LSAMP: variants seen among roughly 807,000 people sequenced by gnomAD.
LSAMP encodes the protein limbic system-associated membrane protein.
A neutral mutation model predicts 38.6 loss-of-function variants in LSAMP; 7 were observed. The ratio of observed to expected loss-of-function variants is 0.18; its 90% CI spans 0.10 to 0.34. The LOEUF (loss-of-function observed/expected upper bound fraction) is 0.34, where lower values mean the gene tolerates loss of function less well. Ranked by LOEUF, LSAMP falls within the 10% of genes least tolerant of loss-of-function variation. LSAMP has a pLI of 1.00. For synonymous variants in LSAMP, 154 were observed against 166.8 expected (o/e 0.92, Z 0.59); for missense variants, 313 against 420.0 (o/e 0.75, Z 2.23).
intron 3 of LSAMP, among the ~76,000 whole-genome samples, chr3:115,935,045 A>G (rs1380237912): frequency 6.6e-6 from 1 of 152,144 alleles, no homozygotes; most frequent in Non-Finnish European, 1.5e-5. Context: ...CAAACAAACA[A>G]AAACAAAAAC....
At chr3:116,070,205 G>A (rs2107378879) in intron 2 of LSAMP, among the ~76,000 whole-genome samples, 1 of 152,284 alleles carries the variant, frequency 6.6e-6, no homozygotes, top group Non-Finnish European at 1.5e-5. Context: ...GGAGGCTAAA[G>A]TAGAGGATAT....
At chr3:116,156,289 C>G (rs1282298915) in intron 1 of LSAMP, among the ~76,000 whole-genome samples, 3 of 152,154 alleles carry the variant, frequency 2.0e-5, no homozygotes, top group Non-Finnish European at 1.5e-5. Context: ...GAACAGATAT[C>G]ACTGCTGAAA....
intron 1 of LSAMP, among the ~76,000 whole-genome samples, chr3:116,393,216 A>G (rs1055409073): frequency 2.0e-5 from 3 of 152,294 alleles, no homozygotes; most frequent in Admixed American, 6.5e-5. Flanking sequence ...GAAGAGCTGC[A>G]GCCCTTCAGA....
At chr3:116,167,499 G>C (rs1301390915) in intron 1 of LSAMP, among the ~76,000 whole-genome samples, 2 of 152,174 alleles carry the variant, frequency 1.3e-5, no homozygotes, top group Admixed American at 6.5e-5. Flanking sequence ...AAAGAGTGTA[G>C]CTGGCCTTTC....
At chr3:116,211,687 T>G (rs552186167) in intron 1 of LSAMP, among the ~76,000 whole-genome samples, 3 of 152,336 alleles carry the variant, frequency 2.0e-5, no homozygotes, top group Non-Finnish European at 4.4e-5. Context: ...TTTACATGTA[T>G]GTGAGTGAAC....
Position 115,969,614 on chromosome 3 carries a change from T to C in LSAMP, c.514+49901A>G, listed in dbSNP as rs577913459. ...AGCTGCTTCCACCACTGCTACTACCTTCACCACCATCTTGGTATCATTCGT... is the reference window on the plus strand; with the variant it reads ...AGCTGCTTCCACCACTGCTACTACCCTCACCACCATCTTGGTATCATTCGT... On this transcript the variant is annotated intron_variant, in intron 3 of 6. Coordinates refer to ENST00000490035, the MANE Select transcript of LSAMP (RefSeq NM_002338.5). Among the ~76,000 whole-genome samples, 6 of 152,338 alleles carry C rather than the reference T, an allele frequency of 3.9e-5. No homozygotes were observed. In the South Asian group the frequency reaches 1.2e-3, roughly 32 times the overall value.
In LSAMP at chr3:115,958,563, G is replaced by A. The variant is rs867782123; in HGVS notation, c.514+60952C>T. Among the ~76,000 whole-genome samples the A allele has an allele frequency of 3.3e-5, 5 of 152,114 alleles. No homozygotes were observed. In the East Asian group the frequency reaches 7.7e-4, roughly 23 times the overall value. On this transcript the variant is annotated intron_variant, in intron 3 of 6. Coordinates refer to ENST00000490035, the MANE Select transcript of LSAMP (RefSeq NM_002338.5). ...GATATGAGGTTGATATAACTTGCCC[G>A]AAGGTCAGCCAGCAAGCGAGAGGAA...
chr3:115,846,445 T>C (rs1449095735), intron 4 of LSAMP, among the ~76,000 whole-genome samples: 1 of 152,202 alleles, frequency 6.6e-6, no homozygotes. Flanking sequence ...AATATTAGTA[T>C]AAAAGAATAA....
intron 1 of LSAMP, among the ~76,000 whole-genome samples, chr3:116,353,459 T>C (rs1022820987): frequency 6.6e-6 from 1 of 152,102 alleles, no homozygotes; most frequent in Non-Finnish European, 1.5e-5. Flanking sequence ...AAGTTATGTT[T>C]TTTAAAAGGA....
intron 6 of LSAMP, among the ~76,000 whole-genome samples, chr3:115,836,772 G>T (rs1934803714): frequency 6.6e-6 from 1 of 152,156 alleles, no homozygotes; most frequent in Admixed American, 6.5e-5. Flanking sequence ...TTTATTGTGT[G>T]GCATCTAAAA....
At chr3:116,438,055 A>G (rs1272575801) in intron 1 of LSAMP, among the ~76,000 whole-genome samples, 7 of 89,140 alleles carry the variant, frequency 7.9e-5, no homozygotes, top group Admixed American at 6.7e-4. Context: ...AATTACAGGT[A>G]ACTACAAAAA....
At chr3:115,973,588 C>A (rs7645780) in intron 3 of LSAMP, among the ~76,000 whole-genome samples, 2 of 151,762 alleles carry the variant, frequency 1.3e-5, no homozygotes, top group Admixed American at 1.3e-4. Flanking sequence ...TAAAAAGTTA[C>A]CCTGGCATGG....
At chr3:115,869,269 G>GAGAGAGA (rs1559859455) in intron 3 of LSAMP, among the ~76,000 whole-genome samples, 1 of 128,452 alleles carries the variant, frequency 7.8e-6, no homozygotes, top group Non-Finnish European at 1.7e-5. Context: ...TCTTGGAGGG[G>GAGAGAGA]GAGAGAGAGA....
chr3:116,078,326 A>AT (rs1324270540), intron 2 of LSAMP, among the ~76,000 whole-genome samples: 5 of 148,394 alleles, frequency 3.4e-5, no homozygotes, highest in Non-Finnish European at 4.5e-5. Flanking sequence ...ATTTTATTTT[A>AT]TTTATTTATT....
intron 1 of LSAMP, among the ~76,000 whole-genome samples, chr3:116,149,364 C>G (rs544730993): frequency 3.8e-4 from 58 of 152,058 alleles, no homozygotes; most frequent in African/African-American, 1.3e-3. Flanking sequence ...TGCCCTGTGA[C>G]TAAAGAAGCA....
rs141822663 is a variant in LSAMP at position 115,881,037 on chromosome 3, A to AAAATAAATAAATAAATAAATAAAT, written c.515-28444_515-28421dup. ...GGCAATAGAACAAAACTCTGTCTCA[A>AAAATAAATAAATAAATAAATAAAT]AAATAAATAAATAAATAAATAAATA... is the stretch of plus-strand genomic sequence containing the variant. On this transcript the variant is annotated intron_variant, in intron 3 of 6. Transcript: ENST00000490035. 5.5e-3 allele frequency among the ~76,000 whole-genome samples: 792 copies of AAAATAAATAAATAAATAAATAAAT among 142,932 alleles called. 3 individuals carry two copies. The highest frequency in any genetic ancestry group is 0.019 in the East Asian group (95 of 4,876). 93.8% of individuals were successfully genotyped at this position (142,932 alleles called of 152,430 possible). A position where few individuals can be genotyped will look rare whatever the true frequency, so the allele number is the denominator to read the frequency against.
intron 1 of LSAMP, among the ~76,000 whole-genome samples, chr3:116,383,144 T>C (rs1019164700): frequency 1.8e-4 from 28 of 152,264 alleles, no homozygotes; most frequent in African/African-American, 6.3e-4. Context: ...AATGAGAAAC[T>C]CTTCTGCAAG....
intron 1 of LSAMP, among the ~76,000 whole-genome samples, chr3:116,342,694 T>C (rs1224194031): frequency 1.3e-5 from 2 of 152,042 alleles, no homozygotes; most frequent in African/African-American, 4.8e-5. Flanking sequence ...CTCAATTTAA[T>C]AGATATTTGG....
intron 3 of LSAMP, among the ~76,000 whole-genome samples, chr3:115,854,054 C>A (rs1413970567): frequency 2.0e-5 from 3 of 151,938 alleles, no homozygotes; most frequent in Non-Finnish European, 2.9e-5. Context: ...TATAACACAA[C>A]TCTCTGGATA....
Sources: allele counts gnomAD v4.1 joint callset (sites outside exome capture counted in the v4.1 genomes callset), GRCh38; gene constraint gnomAD v4.1.1; transcripts MANE v1.5; gene names NCBI Gene and HGNC (gene_info 2026-07-23, HGNC 2026-07-21).